Variants in PIGN observed in about 807,000 individuals in gnomAD.
PIGN encodes phosphatidylinositol glycan anchor biosynthesis class N.
A neutral mutation model predicts 125.4 loss-of-function variants in PIGN; 117 were observed. The observed-to-expected ratio is 0.93, with a 90% CI of 0.80 to 1.09. PIGN has a LOEUF of 1.09. Among genes scored for constraint, PIGN ranks in the 50% least tolerant of loss-of-function variants. The pLI is 0.00. For synonymous variants in PIGN, 392 were observed against 377.8 expected, an observed-to-expected ratio of 1.04 and a Z score of -0.44; for missense variants, 1,075 against 1,094.9, an observed-to-expected ratio of 0.98 and a Z score of 0.26.
chr18:62,106,998 T>C lies in PIGN; in HGVS notation c.1662A>G (p.Gly554=), dbSNP rs1297621078. 2 of 1,581,768 alleles carry C rather than the reference T, an allele frequency of 1.3e-6. No individual in the cohort carries two copies. The highest frequency in any genetic ancestry group is 1.8e-5 in the Admixed American group (1 of 55,982). ...FVGYLLAFTL[G]IEVLVLSFFY... is the part of the protein sequence containing the mutation. ...GTAAGTTACTTACTAATACTTCAAT[T>C]CCCAGGGTAAAGGCTAACAGGTACC... Residue 554 remains glycine (G), a synonymous_variant, in exon 18 of 31, where the codon GGA becomes GGG. Coordinates refer to ENST00000640252, the MANE Select transcript of PIGN (RefSeq NM_176787.5).
chr18:62,179,542 G>C (rs1215931532), intron 1 of PIGN, among the ~76,000 whole-genome samples: 1 of 152,142 alleles, frequency 6.6e-6, no homozygotes, highest in Non-Finnish European at 1.5e-5. Context: ...TCAGGAGTTT[G>C]AGACCAGCCT....
chr18:62,167,641 A>C (rs1169654290), intron 1 of PIGN, among the ~76,000 whole-genome samples: 1 of 93,390 alleles, frequency 1.1e-5, no homozygotes, highest in Non-Finnish European at 2.5e-5. Context: ...CAAAAAAAAA[A>C]AACAAAAAAA....
intron 17 of PIGN, among the ~76,000 whole-genome samples, chr18:62,108,497 G>A (rs1275508542): frequency 6.6e-6 from 1 of 151,998 alleles, no homozygotes; most frequent in Admixed American, 6.6e-5. Context: ...CCTTTCAAAT[G>A]GAGAGGTAAC....
Position 62,074,622 on chromosome 18 carries a change from CT to C in PIGN, c.2619+156del, listed in dbSNP as rs548971134. ...GAAGAAGAGCACACATCCTGCATAA[CT>C]AATATAAAAGAACATAATTTATTGT... On this transcript the variant is annotated intron_variant, in intron 29 of 30. Coordinates refer to ENST00000640252, the MANE Select transcript of PIGN (RefSeq NM_176787.5). Among the ~76,000 whole-genome samples, 1,154 of 152,248 alleles carry C rather than the reference CT, an allele frequency of 7.6e-3. 6 individuals carry two copies. Among genetic ancestry groups the C allele is most frequent in the Non-Finnish European group, 0.012 (837 of 68,014 alleles).
intron 23 of PIGN, among the ~76,000 whole-genome samples, chr18:62,020,216 A>G (rs957958897): frequency 2.6e-5 from 4 of 152,240 alleles, no homozygotes; most frequent in Admixed American, 2.0e-4. Context: ...AAATCCCCAG[A>G]AAGGCTGCTC....
intron 22 of PIGN, among the ~76,000 whole-genome samples, chr18:62,096,181 GC>G (rs2034179757): frequency 6.6e-6 from 1 of 152,050 alleles, no homozygotes; most frequent in South Asian, 2.1e-4. Context: ...TGTAATCCCA[GC>G]TACTCAGGAG....
At chr18:62,061,723 G>C (rs942628025) in intron 30 of PIGN, among the ~76,000 whole-genome samples, 2 of 152,108 alleles carry the variant, frequency 1.3e-5, no homozygotes, top group Non-Finnish European at 2.9e-5. Flanking sequence ...AGCTCTGCCG[G>C]TCAGTTTATA....
chr18:62,101,054 C>G (rs200044703), intron 22 of PIGN, 21 bp downstream of exon 22: 1 of 1,280,018 alleles, frequency 7.8e-7, no homozygotes, highest in Non-Finnish European at 1.1e-6. Context: ...ATTACCTCAC[C>G]TGGTTTGAGT....
chr18:62,045,927 T>G lies in PIGN; in HGVS notation c.2725A>C (p.Asn909His). The change falls in exon 31 of 31, where the codon AAT becomes CAT. Residue 909 changes from asparagine to histidine, a missense_variant. Coordinates refer to ENST00000640252, the MANE Select transcript of PIGN (RefSeq NM_176787.5). Reference protein sequence around the residue: ...MSMTIFLVFLNGLAQLLTTKK... With the variant: ...MSMTIFLVFLHGLAQLLTTKK... ...GTTGTGAGCAGCTGGGCCAGGCCAT[T>G]GAGGAACACCAAAAAGATGGTCATG... is the stretch of plus-strand genomic sequence containing the variant. 1 of 1,613,628 alleles carries G rather than the reference T, an allele frequency of 6.2e-7. No individual in the cohort carries two copies. Among genetic ancestry groups the G allele is most frequent in the Non-Finnish European group, 8.5e-7 (1 of 1,179,736 alleles).
chr18:62,135,297 A>AT (rs1355306007), intron 14 of PIGN, among the ~76,000 whole-genome samples: 1 of 151,906 alleles, frequency 6.6e-6, no homozygotes, highest in Non-Finnish European at 1.5e-5. Flanking sequence ...TCCATTTCTC[A>AT]TGTTATCTTA....
At chr18:62,091,830 T>C (rs766068703) in intron 23 of PIGN, among the ~76,000 whole-genome samples, 1 of 152,218 alleles carries the variant, frequency 6.6e-6, no homozygotes. Context: ...TATTACTTTA[T>C]AAAATCTTTG....
chr18:62,133,909 T>C (rs2035831244), intron 14 of PIGN, among the ~76,000 whole-genome samples: 1 of 152,246 alleles, frequency 6.6e-6, no homozygotes, highest in Admixed American at 6.5e-5. Context: ...CAAAAACTTT[T>C]ACATGTGTTT....
At chr18:62,037,120 G>A (rs1274251282), downstream of PIGN, among the ~76,000 whole-genome samples, 3 of 152,180 alleles carry the variant, frequency 2.0e-5, no homozygotes, top group Admixed American at 6.5e-5. Flanking sequence ...TTCCACTCAT[G>A]TGACCTAAGC....
At chr18:62,066,074 C>G (rs1194060858) in intron 30 of PIGN, among the ~76,000 whole-genome samples, 1 of 152,248 alleles carries the variant, frequency 6.6e-6, no homozygotes, top group African/African-American at 2.4e-5. Context: ...CACAGGCTTT[C>G]TTTAACCATA....
intron 1 of PIGN, among the ~76,000 whole-genome samples, chr18:62,176,870 T>C (rs1015422328): frequency 3.3e-5 from 5 of 152,170 alleles, no homozygotes; most frequent in Admixed American, 3.3e-4. Flanking sequence ...TTACATAAGA[T>C]GTTTACATTA....
intron 22 of PIGN, 139 bp downstream of exon 22, chr18:62,100,936 T>G: frequency 1.5e-6 from 1 of 653,258 alleles, no homozygotes; most frequent in Non-Finnish European, 2.7e-6. Flanking sequence ...CAGCAAGAGA[T>G]AGAAATAATA....
chr18:62,134,853 G>A (rs766612590), intron 14 of PIGN, among the ~76,000 whole-genome samples: 1 of 152,154 alleles, frequency 6.6e-6, no homozygotes, highest in Non-Finnish European at 1.5e-5. Context: ...TGTAAAGTTT[G>A]AAATGTTTCT....
At chr18:62,168,824 A>C (rs1426294950) in intron 1 of PIGN, among the ~76,000 whole-genome samples, 1 of 151,476 alleles carries the variant, frequency 6.6e-6, no homozygotes, top group Non-Finnish European at 1.5e-5. Context: ...TTGTAATCCA[A>C]CATTACCCCA....
chr18:62,085,876 T>C (rs4941108), intron 25 of PIGN, among the ~76,000 whole-genome samples: 9,384 of 152,332 alleles, frequency 0.062, 416 homozygotes, highest in Admixed American at 0.11. Flanking sequence ...AAATGGTGCC[T>C]AGCCCACTGA....
Sources: gnomAD v4.1 joint callset for allele counts (sites outside exome capture counted in the v4.1 genomes callset) on GRCh38, gnomAD v4.1.1 for gene constraint, MANE v1.5 for transcripts, NCBI Gene and HGNC (gene_info 2026-07-23, HGNC 2026-07-21) for gene names.